Variants in ZFHX3 observed in about 807,000 individuals in gnomAD.
The protein encoded by ZFHX3 is zinc finger homeobox 3.
ZFHX3 carries 42 observed loss-of-function variants against 279.1 expected under a neutral mutation model. The ratio of observed to expected loss-of-function variants is 0.15; its 90% CI spans 0.12 to 0.19. The LOEUF is 0.19. Among genes scored for constraint, ZFHX3 ranks in the 10% least tolerant of loss-of-function variants. ZFHX3 has a pLI of 1.00. For synonymous variants in ZFHX3, 2,293 were observed against 1,957.8 expected, an observed-to-expected ratio of 1.17 and a Z score of -4.52; for missense variants, 4,981 against 4,754.0, an observed-to-expected ratio of 1.05 and a Z score of -1.40.
chr16:73,621,750 G>C (rs2052365897), intron 2 of ZFHX3, among the ~76,000 whole-genome samples: 1 of 152,198 alleles, frequency 6.6e-6, no homozygotes, highest in African/African-American at 2.4e-5. Context: ...GTAATGCCAA[G>C]AGAGAGAAAG....
At chr16:73,147,507 A>C (rs1855503285) in intron 5 of ZFHX3, among the ~76,000 whole-genome samples, 1 of 151,284 alleles carries the variant, frequency 6.6e-6, no homozygotes, top group African/African-American at 2.4e-5. Flanking sequence ...CCTGGCTAAC[A>C]CGGTGAAACC....
rs1164633136 is a variant in ZFHX3 at position 72,785,792 on chromosome 16, C to G, written c.*1372G>C. The G allele has an allele frequency of 6.6e-6, 1 of 150,416 alleles. No individual in the cohort carries two copies. The highest frequency in any genetic ancestry group is 1.9e-4 in the East Asian group (1 of 5,140). The allele number at this position is 150,416 out of a possible 1,614,324, so 9.3% of individuals were successfully genotyped here. A position where few individuals can be genotyped will look rare whatever the true frequency, so the allele number is the denominator to read the frequency against. On this transcript the variant is annotated 3_prime_UTR_variant, in exon 10 of 10. Coordinates refer to ENST00000268489, the MANE Select transcript of ZFHX3 (RefSeq NM_006885.4). Reference sequence around the variant, plus strand: ...AAAAAAGAATATTTGAAGCTCCTACCAAACAAGGAGGAAAAGAAGGGGTAC... The same window carrying G: ...AAAAAAGAATATTTGAAGCTCCTACGAAACAAGGAGGAAAAGAAGGGGTAC...
At chr16:73,455,254 A>G (rs1474689261) in intron 3 of ZFHX3, among the ~76,000 whole-genome samples, 1 of 152,164 alleles carries the variant, frequency 6.6e-6, no homozygotes, top group African/African-American at 2.4e-5. Context: ...AGAGGTCCAA[A>G]TGCTTCCCAG....
At chr16:73,431,785 C>T (rs62042255) in intron 3 of ZFHX3, among the ~76,000 whole-genome samples, 248 of 152,112 alleles carry the variant, frequency 1.6e-3, no homozygotes, top group Middle Eastern at 3.4e-3. Context: ...AAGTACATGG[C>T]CCCCAAGAAT....
chr16:73,629,645 A>C (rs1000811759), intron 2 of ZFHX3, among the ~76,000 whole-genome samples: 1 of 147,144 alleles, frequency 6.8e-6, no homozygotes, highest in Non-Finnish European at 1.5e-5. Context: ...ACATGAAGTT[A>C]AAAAAAAAGA....
intron 2 of ZFHX3, among the ~76,000 whole-genome samples, chr16:73,580,920 C>G (rs897884750): frequency 6.6e-6 from 1 of 151,670 alleles, no homozygotes; most frequent in African/African-American, 2.4e-5. Flanking sequence ...TTGCTGTGAC[C>G]TTATATATTT....
chr16:73,787,361 G>T (rs914639460), intron 1 of ZFHX3, among the ~76,000 whole-genome samples: 2 of 152,180 alleles, frequency 1.3e-5, no homozygotes, highest in African/African-American at 4.8e-5. Context: ...GAATCTGTAT[G>T]GTGGGTGCAA....
chr16:73,446,956 G>A (rs1415163564), intron 3 of ZFHX3, among the ~76,000 whole-genome samples: 3 of 152,014 alleles, frequency 2.0e-5, no homozygotes, highest in African/African-American at 7.3e-5. Context: ...CGAGGTGGGT[G>A]GATCATGAGG....
At chr16:73,416,797 T>C (rs11647988) in intron 3 of ZFHX3, among the ~76,000 whole-genome samples, 53,224 of 133,304 alleles carry the variant, frequency 0.4, 13,981 homozygotes, top group Non-Finnish European at 0.57. Flanking sequence ...TGGCGTGAAC[T>C]CGGGAGGCGG....
Position 72,793,228 on chromosome 16 carries a change from GA to G in ZFHX3, c.9427+26del. The G allele has an allele frequency of 6.3e-7, 1 of 1,578,080 alleles. No homozygotes were observed. The highest frequency in any genetic ancestry group is 1.2e-5 in the South Asian group (1 of 84,470). On this transcript the variant is annotated intron_variant, in intron 9 of 9. Coordinates refer to ENST00000268489, the MANE Select transcript of ZFHX3 (RefSeq NM_006885.4). This position sits in a 1 kb window ranked among gnomAD's most constrained non-coding sequence, Gnocchi z 4.3. ...GCTGACTGGGCAGCTATTTAGCCCT[GA>G]AACAATCGCCTAGAGCAGAACCCAC... is the stretch of plus-strand genomic sequence containing the variant.
In ZFHX3 at chr16:72,788,707, A is replaced by G; in HGVS notation, c.9569T>C (p.Met3190Thr). 6.2e-7 allele frequency: 1 copy of G among 1,611,464 alleles called. No individual in the cohort carries two copies. Among genetic ancestry groups the G allele is most frequent in the Non-Finnish European group, 8.5e-7 (1 of 1,178,532 alleles). ...SPTPAQATMA[M>T]GPQQPPQQQQ... ...CTGCTGGGGGGGTTGCTGAGGGCCCATCGCCATCGTGGCTTGTGCTGGGGT... is the reference window on the plus strand; with the variant it reads ...CTGCTGGGGGGGTTGCTGAGGGCCCGTCGCCATCGTGGCTTGTGCTGGGGT... Residue 3190 changes from methionine (M) to threonine (T), a missense_variant, in exon 10 of 10, where the codon ATG (methionine) becomes ACG (threonine). Met to Thr is a moderately conservative substitution (Grantham distance 81). Around this residue, in one of 7 missense-constraint regions of ZFHX3, gnomAD observed 1,034 missense variants for 786.0 expected, o/e 1.32. Coordinates refer to ENST00000268489, the MANE Select transcript of ZFHX3 (RefSeq NM_006885.4).
intron 3 of ZFHX3, among the ~76,000 whole-genome samples, chr16:73,336,219 T>G (rs2015909701): frequency 6.6e-6 from 1 of 152,192 alleles, no homozygotes; most frequent in Non-Finnish European, 1.5e-5. Context: ...GTGTTAATTA[T>G]CTCATTGAAT....
intron 3 of ZFHX3, among the ~76,000 whole-genome samples, chr16:73,381,170 G>A (rs2016812734): frequency 6.6e-6 from 1 of 151,896 alleles, no homozygotes; most frequent in Non-Finnish European, 1.5e-5. Context: ...CCCCAAACAA[G>A]AACTAAACAA....
chr16:73,554,397 G>A (rs991002156), intron 2 of ZFHX3: 1 of 151,958 alleles, frequency 6.6e-6, no homozygotes, highest in Non-Finnish European at 1.5e-5. Context: ...CATTCTCCAA[G>A]TTAGTGAAAA....
exon 8 of ZFHX3, chr16:73,093,533 G>A (rs770203983): frequency 3.9e-6 from 2 of 508,474 alleles, no homozygotes; most frequent in South Asian, 2.9e-5. Flanking sequence ...CTCTCGGGCT[G>A]TCACACAAGC....
At chr16:72,971,929 A>G (rs1597037486) in intron 1 of ZFHX3, among the ~76,000 whole-genome samples, 2 of 118,838 alleles carry the variant, frequency 1.7e-5, no homozygotes, top group South Asian at 2.7e-4. Flanking sequence ...CCTGCTGCCC[A>G]GGTTGGAGTA....
intron 2 of ZFHX3, among the ~76,000 whole-genome samples, chr16:73,653,141 A>G (rs2052687771): frequency 6.6e-6 from 1 of 152,170 alleles, no homozygotes; most frequent in Non-Finnish European, 1.5e-5. Context: ...CTTTATTGTA[A>G]TAAAGATTTA....
chr16:73,511,201 G>T (rs892418147), intron 2 of ZFHX3, among the ~76,000 whole-genome samples: 1 of 152,188 alleles, frequency 6.6e-6, no homozygotes, highest in Non-Finnish European at 1.5e-5. Flanking sequence ...AAAGTTCCTC[G>T]CAAGTTCCAG....
intron 1 of ZFHX3, among the ~76,000 whole-genome samples, chr16:73,745,906 G>A (rs2053699237): frequency 6.6e-6 from 1 of 152,050 alleles, no homozygotes; most frequent in African/African-American, 2.4e-5. Context: ...AAATTTAGTT[G>A]AAATGTGTTT....
Sources: allele counts gnomAD v4.1 joint callset (sites outside exome capture counted in the v4.1 genomes callset), GRCh38; gene constraint gnomAD v4.1.1; regional missense constraint gnomAD v4.1.1; non-coding constraint Gnocchi (gnomAD v3.1); transcripts MANE v1.5; gene names NCBI Gene and HGNC (gene_info 2026-07-23, HGNC 2026-07-21).